STX6: variants seen among roughly 807,000 people sequenced by gnomAD.
STX6 encodes syntaxin 6, also known as syntaxin-6.
A neutral mutation model predicts 38.0 loss-of-function variants in STX6; 23 were observed. The observed-to-expected ratio is 0.60, with a 90% CI of 0.43 to 0.86. The LOEUF (loss-of-function observed/expected upper bound fraction) is 0.86. STX6 is among the 40% of genes least tolerant of loss of function. STX6 has a pLI of 0.00. For missense variants in STX6, 274 were observed against 312.9 expected, an observed-to-expected ratio of 0.88 and a Z score of 0.94; for synonymous variants, 123 against 107.5, an observed-to-expected ratio of 1.14 and a Z score of -0.89.
intron 2 of STX6, among the ~76,000 whole-genome samples, chr1:181,004,966 G>T (rs1273214473): frequency 2.1e-5 from 3 of 142,806 alleles, no homozygotes; most frequent in African/African-American, 5.1e-5. Context: ...GAAAAAAAGG[G>T]TTTTTTTTTT....
At chr1:181,017,473 C>G (rs1159654778) in intron 1 of STX6, among the ~76,000 whole-genome samples, 7 of 152,176 alleles carry the variant, frequency 4.6e-5, no homozygotes, top group Admixed American at 3.3e-4. Context: ...TAGCAAAGAG[C>G]CATGGTATTT....
At chr1:180,988,406 G>T in intron 5 of STX6, 61 bp from the exon 6 acceptor site, 2 of 1,316,776 alleles carry the variant, frequency 1.5e-6, no homozygotes, top group African/African-American at 1.4e-5. Context: ...TCCAAGCCCA[G>T]CACTCTAGCA....
At chr1:181,012,338 C>A (rs1571351958) in intron 1 of STX6, among the ~76,000 whole-genome samples, 1 of 152,314 alleles carries the variant, frequency 6.6e-6, no homozygotes, top group East Asian at 1.9e-4. Flanking sequence ...GTCACACATG[C>A]TGCCCAAATC....
At chr1:180,984,639 T>C (rs750517915) in intron 7 of STX6, 38 bp downstream of exon 7, 2 of 922,416 alleles carry the variant, frequency 2.2e-6, no homozygotes, top group Non-Finnish European at 3.5e-6. Context: ...AGTTCTAGAA[T>C]TAAGTACAAA....
intron 2 of STX6, among the ~76,000 whole-genome samples, chr1:181,004,966 G>GTTT (rs1344719680): frequency 7.0e-6 from 1 of 142,804 alleles, no homozygotes; most frequent in Non-Finnish European, 1.5e-5. Context: ...GAAAAAAAGG[G>GTTT]TTTTTTTTTT....
intron 1 of STX6, among the ~76,000 whole-genome samples, chr1:181,014,635 C>A (rs1255172510): frequency 6.6e-6 from 1 of 152,184 alleles, no homozygotes; most frequent in Non-Finnish European, 1.5e-5. Context: ...CTCTGCAACA[C>A]ATCAGACTCC....
chr1:181,001,701 G>T (rs912624679), intron 3 of STX6, among the ~76,000 whole-genome samples: 1 of 152,092 alleles, frequency 6.6e-6, no homozygotes, highest in African/African-American at 2.4e-5. Flanking sequence ...AAACCAAATG[G>T]TTTCTACAAT....
intron 1 of STX6, 93 bp from the exon 2 acceptor site, chr1:181,005,556 C>T: frequency 8.3e-7 from 1 of 1,211,800 alleles, no homozygotes; most frequent in East Asian, 2.5e-5. Context: ...TGATCATACA[C>T]CATCCTCAGC....
intron 4 of STX6, among the ~76,000 whole-genome samples, chr1:180,990,756 A>G (rs1488562610): frequency 1.3e-5 from 2 of 152,180 alleles, no homozygotes; most frequent in Non-Finnish European, 2.9e-5. Context: ...AACCGAGGCA[A>G]GGGCTGCCCT....
At chr1:181,017,114 C>T (rs1472208794) in intron 1 of STX6, among the ~76,000 whole-genome samples, 1 of 149,674 alleles carries the variant, frequency 6.7e-6, no homozygotes, top group Non-Finnish European at 1.5e-5. Context: ...CGGCTGGGCG[C>T]AGTGGCTCAT....
intron 3 of STX6, among the ~76,000 whole-genome samples, chr1:181,002,238 C>T (rs569012087): frequency 3.3e-5 from 5 of 151,848 alleles, no homozygotes; most frequent in African/African-American, 1.2e-4. Flanking sequence ...CAGCCTCAAC[C>T]TGATCCTCCC....
chr1:180,993,797 G>A (rs1187570277), intron 3 of STX6, among the ~76,000 whole-genome samples: 4 of 152,170 alleles, frequency 2.6e-5, no homozygotes, highest in Non-Finnish European at 4.4e-5. Flanking sequence ...CCAAAAAGAC[G>A]ATGATACTTT....
chr1:181,007,056 A>G (rs964539628), intron 1 of STX6, among the ~76,000 whole-genome samples: 7 of 152,156 alleles, frequency 4.6e-5, no homozygotes, highest in Non-Finnish European at 8.8e-5. Context: ...TCTTTATGGG[A>G]TCTGGGTGAT....
At chr1:180,981,305 G>A (rs1170113907) in intron 7 of STX6, among the ~76,000 whole-genome samples, 1 of 152,056 alleles carries the variant, frequency 6.6e-6, no homozygotes, top group Non-Finnish European at 1.5e-5. Flanking sequence ...TGTACTTCCT[G>A]CTCAATTTTG....
chr1:180,998,998 C>T (rs1655995298), intron 3 of STX6, among the ~76,000 whole-genome samples: 1 of 152,230 alleles, frequency 6.6e-6, no homozygotes. Flanking sequence ...TCATAAACCC[C>T]AGTGCTTCCC....
chr1:180,981,276 G>A (rs1655408960), intron 7 of STX6, among the ~76,000 whole-genome samples: 1 of 151,916 alleles, frequency 6.6e-6, no homozygotes, highest in Admixed American at 6.6e-5. Context: ...TGGGGGAAGG[G>A]GGCTATATGG....
intron 7 of STX6, 57 bp downstream of exon 7, chr1:180,984,620 C>A (rs1040982150): frequency 2.3e-5 from 17 of 741,458 alleles, no homozygotes; most frequent in Admixed American, 8.9e-5. Context: ...GACAACACCC[C>A]CAAGACAGAG....
At chr1:181,015,321 A>G (rs1015615103) in intron 1 of STX6, among the ~76,000 whole-genome samples, 2 of 152,214 alleles carry the variant, frequency 1.3e-5, no homozygotes, top group African/African-American at 2.4e-5. Flanking sequence ...TACAAAACAT[A>G]ATGTATTCAA....
rs550300780 is a variant in STX6 at position 180,993,346 on chromosome 1, T to C, written c.363+17A>G. ...ATGCTTTCTGTCATTGATAATTATATTCTGATGTTTTCTCACCTGTCTATT... is the reference window on the plus strand; with the variant it reads ...ATGCTTTCTGTCATTGATAATTATACTCTGATGTTTTCTCACCTGTCTATT... On this transcript the variant is annotated intron_variant, in intron 4 of 7. Transcript: ENST00000258301. 7 of 1,404,844 alleles carry C rather than the reference T, an allele frequency of 5.0e-6. No individual in the cohort carries two copies. Among genetic ancestry groups the C allele is most frequent in the Non-Finnish European group, 7.1e-6 (7 of 991,914 alleles). 87.0% of individuals were successfully genotyped at this position (1,404,844 alleles called of 1,614,324 possible).
Sources: gnomAD v4.1 joint callset for allele counts (sites outside exome capture counted in the v4.1 genomes callset) on GRCh38, gnomAD v4.1.1 for gene constraint, MANE v1.5 for transcripts, NCBI Gene and HGNC (gene_info 2026-07-23, HGNC 2026-07-21) for gene names.